The following SPOCK3 variants were observed in gnomAD, a reference collection of about 807,000 sequenced individuals.
SPOCK3 encodes SPARC (osteonectin), cwcv and kazal like domains proteoglycan 3.
A neutral mutation model predicts 56.6 loss-of-function variants in SPOCK3; 30 were observed. That is an observed-to-expected ratio of 0.53 (90% confidence interval 0.40 to 0.72). The LOEUF is 0.72. Ranked by LOEUF, SPOCK3 falls within the 30% of genes least tolerant of loss-of-function variation. SPOCK3 has a pLI of 0.00. For missense variants in SPOCK3, 527 were observed against 530.0 expected (o/e 0.99, Z 0.06); for synonymous variants, 196 against 183.3 (o/e 1.07, Z -0.56).
intron 2 of SPOCK3, among the ~76,000 whole-genome samples, chr4:167,153,475 T>A (rs1329496914): frequency 6.6e-6 from 1 of 152,168 alleles, no homozygotes; most frequent in Non-Finnish European, 1.5e-5. Flanking sequence ...ATAATTAAAA[T>A]TAAATTAAAT....
chr4:166,881,696 G>T (rs1345438150), intron 6 of SPOCK3, among the ~76,000 whole-genome samples: 2 of 151,986 alleles, frequency 1.3e-5, no homozygotes, highest in African/African-American at 2.4e-5. Flanking sequence ...ATGAGATCCT[G>T]AAATCCTCCT....
intron 2 of SPOCK3, among the ~76,000 whole-genome samples, chr4:167,085,146 T>C (rs1363952932): frequency 6.6e-6 from 1 of 151,454 alleles, no homozygotes; most frequent in African/African-American, 2.4e-5. Flanking sequence ...CCCCAGTTCA[T>C]TCCTCCCTTG....
intron 7 of SPOCK3, among the ~76,000 whole-genome samples, chr4:166,762,108 A>C (rs1440307494): frequency 6.8e-6 from 1 of 146,436 alleles, no homozygotes; most frequent in Non-Finnish European, 1.5e-5. Flanking sequence ...TTGTTGTTTA[A>C]ATTCTCTTGT....
chr4:167,000,216 A>G, intron 4 of SPOCK3, 133 bp downstream of exon 4: 1 of 473,132 alleles, frequency 2.1e-6, no homozygotes, highest in Non-Finnish European at 3.7e-6. Flanking sequence ...AATTGTATTA[A>G]CTAAGCTTCT....
At chr4:167,114,951 A>G (rs1761205392) in intron 2 of SPOCK3, among the ~76,000 whole-genome samples, 1 of 152,152 alleles carries the variant, frequency 6.6e-6, no homozygotes, top group Admixed American at 6.6e-5. Context: ...AGATGCACAC[A>G]TGAAAATTAT....
chr4:167,221,205 T>TA (rs35978868), intron 2 of SPOCK3, among the ~76,000 whole-genome samples: 28,852 of 143,972 alleles, frequency 0.2, 2,985 homozygotes, highest in Admixed American at 0.28. Context: ...TACAAAAAAT[T>TA]AAAAAAAAAA....
chr4:167,187,270 GT>G (rs5863863), intron 2 of SPOCK3, among the ~76,000 whole-genome samples: 3,464 of 138,982 alleles, frequency 0.025, 119 homozygotes, highest in African/African-American at 0.081. Context: ...TAGGGTTCCA[GT>G]TTTTTTTTTT....
chr4:167,042,315 C>A (rs1429705206), intron 3 of SPOCK3, among the ~76,000 whole-genome samples: 1 of 152,062 alleles, frequency 6.6e-6, no homozygotes, highest in East Asian at 1.9e-4. Context: ...TTAAGGAGGG[C>A]TGACTGTAAC....
intron 2 of SPOCK3, among the ~76,000 whole-genome samples, chr4:167,167,477 T>C (rs1037873386): frequency 6.6e-6 from 1 of 152,196 alleles, no homozygotes; most frequent in Non-Finnish European, 1.5e-5. Flanking sequence ...TCCATCTGCC[T>C]ATTAAAATAC....
At chr4:166,966,120 T>G (rs766303270) in intron 4 of SPOCK3, among the ~76,000 whole-genome samples, 1 of 152,088 alleles carries the variant, frequency 6.6e-6, no homozygotes, top group Non-Finnish European at 1.5e-5. Context: ...TTCTTTCACT[T>G]AGTAATGTGG....
intron 2 of SPOCK3, among the ~76,000 whole-genome samples, chr4:167,106,848 G>T (rs1760206022): frequency 6.6e-6 from 1 of 150,778 alleles, no homozygotes; most frequent in Non-Finnish European, 1.5e-5. Flanking sequence ...GAAATTGAAA[G>T]GATCATTAGT....
At chr4:167,172,838 G>A (rs1730629622) in intron 2 of SPOCK3, among the ~76,000 whole-genome samples, 1 of 152,060 alleles carries the variant, frequency 6.6e-6, no homozygotes, top group Non-Finnish European at 1.5e-5. Context: ...ATTCACCAAA[G>A]GTTTCAGGGA....
intron 2 of SPOCK3, among the ~76,000 whole-genome samples, chr4:167,090,795 G>A (rs1287920437): frequency 6.6e-6 from 1 of 152,054 alleles, no homozygotes; most frequent in African/African-American, 2.4e-5. Flanking sequence ...GAGCCACCGA[G>A]CTCAGCTGAC....
intron 6 of SPOCK3, among the ~76,000 whole-genome samples, chr4:166,841,085 G>GT (rs201046909): frequency 0.057 from 8,677 of 151,518 alleles, 405 homozygotes; most frequent in African/African-American, 0.13. Flanking sequence ...GCCCGCAGAA[G>GT]TTTTTTTTTA....
At chr4:166,959,385 T>C (rs1579807611) in intron 4 of SPOCK3, among the ~76,000 whole-genome samples, 1 of 151,856 alleles carries the variant, frequency 6.6e-6, no homozygotes. Flanking sequence ...GAGGCCGAGG[T>C]AGGTGGATCA....
chr4:166,937,932 C>CTCTT (rs1344321253), intron 4 of SPOCK3, among the ~76,000 whole-genome samples: 2 of 82,302 alleles, frequency 2.4e-5, no homozygotes, highest in Non-Finnish European at 5.4e-5. Flanking sequence ...CCCGGCTAAT[C>CTCTT]TCTTTTTTTT....
At chr4:166,763,490 G>C (rs1476635618) in intron 7 of SPOCK3, among the ~76,000 whole-genome samples, 1 of 152,084 alleles carries the variant, frequency 6.6e-6, no homozygotes, top group Admixed American at 6.6e-5. Context: ...AAGAGGGCCA[G>C]AAATGCTACA....
At chr4:167,072,153 T>A (rs1379922379) in intron 2 of SPOCK3, among the ~76,000 whole-genome samples, 1 of 151,988 alleles carries the variant, frequency 6.6e-6, no homozygotes, top group African/African-American at 2.4e-5. Context: ...AAAGAGAGAT[T>A]ACATGATCTG....
chr4:166,871,913 A>C (rs62354064), intron 6 of SPOCK3, among the ~76,000 whole-genome samples: 10,741 of 151,418 alleles, frequency 0.071, 516 homozygotes, highest in Non-Finnish European at 0.1. Context: ...TAGAATACCA[A>C]ATAAGAAAAA....
Sources: allele counts gnomAD v4.1 joint callset (sites outside exome capture counted in the v4.1 genomes callset), GRCh38; gene constraint gnomAD v4.1.1; transcripts MANE v1.5; gene names NCBI Gene and HGNC (gene_info 2026-07-23, HGNC 2026-07-21).